The following SV2C variants were observed in gnomAD, a reference collection of about 807,000 sequenced individuals.
SV2C encodes solute carrier family 22 member B3.
In SV2C, 49 loss-of-function variants were observed where a neutral mutation model predicts 79.7. The observed-to-expected ratio is 0.61, with a 90% CI of 0.49 to 0.78. The LOEUF (loss-of-function observed/expected upper bound fraction) is 0.78. SV2C is among the 30% of genes least tolerant of loss of function. SV2C has a pLI of 0.00. For synonymous variants in SV2C, 334 were observed against 333.2 expected (o/e 1.00, Z -0.03); for missense variants, 833 against 912.9 (o/e 0.91, Z 1.13).
At chr5:75,981,702 T>G in the SV2C span, among the ~76,000 whole-genome samples, 1 of 151,994 alleles carries the variant, frequency 6.6e-6, no homozygotes, top group African/African-American at 2.4e-5. Context: ...CCTTACACCA[T>G]TTACAAAAAT....
intron 6 of SV2C, among the ~76,000 whole-genome samples, chr5:76,290,403 C>T (rs1009718404): frequency 2.6e-5 from 4 of 152,186 alleles, no homozygotes; most frequent in African/African-American, 9.6e-5. Context: ...GTAATGTGTA[C>T]ACATTTCCAT....
chr5:75,970,895 C>G, the SV2C span, among the ~76,000 whole-genome samples: 1 of 152,074 alleles, frequency 6.6e-6, no homozygotes, highest in South Asian at 2.1e-4. Flanking sequence ...AGACCAATAT[C>G]CTTGATGAAC....
At chr5:76,042,414 A>G in the SV2C span, among the ~76,000 whole-genome samples, 2 of 152,240 alleles carry the variant, frequency 1.3e-5, no homozygotes, top group Non-Finnish European at 2.9e-5. Flanking sequence ...TGTATGTAAA[A>G]TACTTAGTTC....
chr5:76,336,061 C>A (rs1375699958), downstream of SV2C, among the ~76,000 whole-genome samples: 10 of 66,384 alleles, frequency 1.5e-4, no homozygotes, highest in Non-Finnish European at 4.9e-4. Flanking sequence ...CTGACCCCCC[C>A]ACCTCCCTCC....
chr5:76,198,921 G>A (rs146521954), intron 3 of SV2C, among the ~76,000 whole-genome samples: 5 of 152,266 alleles, frequency 3.3e-5, no homozygotes, highest in Non-Finnish European at 4.4e-5. Flanking sequence ...AGTCTGTACA[G>A]ACAGGCAGCT....
At chr5:76,027,520 T>G in the SV2C span, among the ~76,000 whole-genome samples, 52 of 152,338 alleles carry the variant, frequency 3.4e-4, no homozygotes, top group South Asian at 8.5e-3. Context: ...ATTGACAAAA[T>G]GTCTTGAAAA....
chr5:76,202,946 G>A (rs1327136065), intron 3 of SV2C, among the ~76,000 whole-genome samples: 5 of 152,238 alleles, frequency 3.3e-5, no homozygotes, highest in African/African-American at 4.8e-5. Flanking sequence ...TTAACTTTAC[G>A]TGATTGTTTT....
intron 4 of SV2C, among the ~76,000 whole-genome samples, chr5:76,216,519 G>A (rs142590431): frequency 1.0e-3 from 156 of 152,260 alleles, no homozygotes; most frequent in African/African-American, 3.5e-3. Flanking sequence ...TGGCTTGGCC[G>A]GGTGCAGTGC....
At chr5:76,107,452 TAAG>T (rs940332712) in intron 1 of SV2C, among the ~76,000 whole-genome samples, 1 of 152,226 alleles carries the variant, frequency 6.6e-6, no homozygotes, top group Non-Finnish European at 1.5e-5. Context: ...TTATGTATAA[TAAG>T]AAATAATACC....
At chr5:75,899,295 C>T in the SV2C span, among the ~76,000 whole-genome samples, 3 of 152,282 alleles carry the variant, frequency 2.0e-5, no homozygotes, top group African/African-American at 7.2e-5. Context: ...TTTCAAAGAA[C>T]ATCTTTATTT....
chr5:76,190,491 G>C (rs1744065967), intron 2 of SV2C, among the ~76,000 whole-genome samples: 1 of 152,248 alleles, frequency 6.6e-6, no homozygotes, highest in East Asian at 1.9e-4. Context: ...AGGGTGATCA[G>C]ATATTGCCCA....
Position 76,330,311 on chromosome 5 carries a change from G to A in SV2C, c.*4764G>A, listed in dbSNP as rs1163853967. On this transcript the variant is annotated 3_prime_UTR_variant, in exon 13 of 13. Coordinates refer to ENST00000502798, the MANE Select transcript of SV2C (RefSeq NM_014979.4). ...TGAGTTACAAGAATACAGTTTATGG[G>A]TCTGTTTCAGCTCTTACTTAAGGCT... The A allele has an allele frequency of 6.6e-6, 1 of 152,138 alleles. No homozygotes were observed. The highest frequency in any genetic ancestry group is 1.9e-4 in the East Asian group (1 of 5,194). The allele number at this position is 152,138 out of a possible 1,614,324, so 9.4% of individuals were successfully genotyped here. A position where few individuals can be genotyped will look rare whatever the true frequency, so the allele number is the denominator to read the frequency against.
Position 76,119,553 on chromosome 5 carries a change from A to G in SV2C, c.-101-12097A>G, listed in dbSNP as rs77199643. Among the ~76,000 whole-genome samples, 755 of 152,276 alleles carry G rather than the reference A, an allele frequency of 5.0e-3. 8 individuals carry two copies. The highest frequency in any genetic ancestry group is 0.017 in the African/African-American group (723 of 41,558). ...ACAACTGCCCTGCATAAAGAGAGGT[A>G]GGAAATATCACCCACCTGAAATGGA... is the stretch of plus-strand genomic sequence containing the variant. On this transcript the variant is annotated intron_variant, in intron 1 of 12. Coordinates refer to ENST00000502798, the MANE Select transcript of SV2C (RefSeq NM_014979.4).
the SV2C span, chr5:75,921,356 T>G: frequency 1.0e-6 from 1 of 996,188 alleles, no homozygotes; most frequent in Non-Finnish European, 1.6e-6. Flanking sequence ...CCTGCTGCTG[T>G]CCTTTGGGGG....
intron 12 of SV2C, among the ~76,000 whole-genome samples, chr5:76,347,478 T>C (rs1299728330): frequency 1.3e-5 from 2 of 152,090 alleles, no homozygotes; most frequent in African/African-American, 4.8e-5. Flanking sequence ...AGAGTCTCTC[T>C]CTGTCGCCCA....
At chr5:76,014,907 A>G in the SV2C span, among the ~76,000 whole-genome samples, 2 of 152,226 alleles carry the variant, frequency 1.3e-5, no homozygotes, top group African/African-American at 4.8e-5. Context: ...AGATATACCT[A>G]TAAACTTATA....
intron 4 of SV2C, among the ~76,000 whole-genome samples, chr5:76,246,182 A>G (rs1256081082): frequency 6.6e-6 from 1 of 152,246 alleles, no homozygotes. Context: ...CTTTTATTCA[A>G]ATTTTTAAGG....
chr5:75,910,503 G>A, the SV2C span: 699 of 617,782 alleles, frequency 1.1e-3, 2 homozygotes, highest in African/African-American at 0.011. Context: ...TCTTCTGCCT[G>A]TTGATGGTAG....
At chr5:76,196,657 C>T (rs1157863743) in intron 3 of SV2C, among the ~76,000 whole-genome samples, 1 of 152,134 alleles carries the variant, frequency 6.6e-6, no homozygotes, top group Non-Finnish European at 1.5e-5. Flanking sequence ...TTCCTTCTCC[C>T]TTTTATTATC....
Sources: gnomAD v4.1 joint callset for allele counts (sites outside exome capture counted in the v4.1 genomes callset) on GRCh38, gnomAD v4.1.1 for gene constraint, MANE v1.5 for transcripts, NCBI Gene and HGNC (gene_info 2026-07-23, HGNC 2026-07-21) for gene names.